The following CTNNA3 variants were observed in gnomAD, a reference collection of about 807,000 sequenced individuals.
CTNNA3 encodes the protein catenin alpha-3.
Under a neutral mutation model 95.7 loss-of-function variants are expected in CTNNA3, and 76 were observed. The observed-to-expected ratio is 0.79, with a 90% confidence interval of 0.66 to 0.96. The LOEUF (loss-of-function observed/expected upper bound fraction) is 0.96. CTNNA3 is among the 40% of genes least tolerant of loss of function. The pLI is 0.00. For missense variants in CTNNA3, 1,191 were observed against 1,089.8 expected, an observed-to-expected ratio of 1.09 and a Z score of -1.31; for synonymous variants, 431 against 374.4, an observed-to-expected ratio of 1.15 and a Z score of -1.74.
intron 9 of CTNNA3, among the ~76,000 whole-genome samples, chr10:66,732,308 TAA>T (rs1030504741): frequency 6.6e-5 from 10 of 152,174 alleles, no homozygotes; most frequent in Non-Finnish European, 1.0e-4. Flanking sequence ...TAAATTGACA[TAA>T]AGATAGTTTT....
At chr10:66,859,232 T>C (rs1253753141) in intron 7 of CTNNA3, among the ~76,000 whole-genome samples, 1 of 151,928 alleles carries the variant, frequency 6.6e-6, no homozygotes, top group Non-Finnish European at 1.5e-5. Context: ...AAAGGCAACC[T>C]ACAAAATAGG....
Position 66,544,433 on chromosome 10 carries a change from G to A in CTNNA3, c.1375-23660C>T, listed in dbSNP as rs116119842. 4.2e-3 allele frequency among the ~76,000 whole-genome samples: 633 copies of A among 152,148 alleles called. 4 individuals are homozygous for A. Among genetic ancestry groups the A allele is most frequent in the African/African-American group, 0.014 (599 of 41,530 alleles). On this transcript the variant is annotated intron_variant, in intron 10 of 17. Coordinates refer to ENST00000433211, the MANE Select transcript of CTNNA3 (RefSeq NM_013266.4). ...TGCTGAGACTACAGATGTCACTTTG[G>A]TTCATTTCCTATTACCATCGTTTGA... is the stretch of plus-strand genomic sequence containing the variant.
At chr10:66,689,305 G>A (rs1372561034) in intron 9 of CTNNA3, among the ~76,000 whole-genome samples, 1 of 152,124 alleles carries the variant, frequency 6.6e-6, no homozygotes, top group Non-Finnish European at 1.5e-5. Context: ...TCAACAAATG[G>A]CCTAGGTCCT....
chr10:66,800,018 G>C (rs545839127), intron 7 of CTNNA3, among the ~76,000 whole-genome samples: 1 of 151,120 alleles, frequency 6.6e-6, no homozygotes, highest in African/African-American at 2.4e-5. Context: ...TAAGATAAAA[G>C]TTCAGAGAAT....
chr10:66,029,289 C>T (rs7081109), intron 15 of CTNNA3, among the ~76,000 whole-genome samples: 2 of 151,966 alleles, frequency 1.3e-5, no homozygotes, highest in Non-Finnish European at 2.9e-5. Flanking sequence ...GAAATGCTCC[C>T]CTGAAATAGA....
At chr10:67,517,608 A>G (rs1320347643) in intron 5 of CTNNA3, among the ~76,000 whole-genome samples, 2 of 152,176 alleles carry the variant, frequency 1.3e-5, no homozygotes, top group Admixed American at 1.3e-4. Flanking sequence ...TTGGATATAT[A>G]GAATGTATTA....
rs1564896417 is a variant in CTNNA3, at chr10:66,360,674, C to CTTTCTTTCTTTCTTTCTTTCTTTCTTT, written c.1732+18477_1732+18478insAAAGAAAGAAAGAAAGAAAGAAAGAAA. Among the ~76,000 whole-genome samples the CTTTCTTTCTTTCTTTCTTTCTTTCTTT allele has an allele frequency of 6.1e-4, 46 of 75,828 alleles. 2 individuals are homozygous for CTTTCTTTCTTTCTTTCTTTCTTTCTTT. Among genetic ancestry groups the CTTTCTTTCTTTCTTTCTTTCTTTCTTT allele is most frequent in the Middle Eastern group, 7.4e-3 (1 of 136 alleles). The allele number at this position is 75,828 out of a possible 152,430, so 49.7% of individuals were successfully genotyped here. A position where few individuals can be genotyped will look rare whatever the true frequency, so the allele number is the denominator to read the frequency against. On this transcript the variant is annotated intron_variant, in intron 12 of 17. Transcript: ENST00000433211. ...TTCTTTCTTTCTTCCTTCCTTCCTTCCTTCCTTCCTTCCTTCCTTTTCTTT... is the reference window on the plus strand; with the variant it reads ...TTCTTTCTTTCTTCCTTCCTTCCTTCTTTCTTTCTTTCTTTCTTTCTTTCTTTCTTCCTTCCTTCCTTCCTTTTCTTT...
At chr10:66,753,887 T>C (rs949679346) in intron 9 of CTNNA3, among the ~76,000 whole-genome samples, 3 of 151,402 alleles carry the variant, frequency 2.0e-5, no homozygotes, top group African/African-American at 7.3e-5. Flanking sequence ...TTAAAGGAGA[T>C]CTAAATAAGT....
intron 7 of CTNNA3, among the ~76,000 whole-genome samples, chr10:67,017,485 T>A (rs536021130): frequency 1.3e-5 from 2 of 152,296 alleles, no homozygotes; most frequent in African/African-American, 4.8e-5. Flanking sequence ...CATGCTGGCA[T>A]CCACAATCTA....
At chr10:67,381,453 GA>G (rs374836883) in intron 5 of CTNNA3, among the ~76,000 whole-genome samples, 4 of 151,498 alleles carry the variant, frequency 2.6e-5, no homozygotes, top group East Asian at 3.9e-4. Context: ...TTCTGAAAAT[GA>G]AAAAAAAGAA....
intron 15 of CTNNA3, among the ~76,000 whole-genome samples, chr10:66,055,937 A>AT: frequency 6.6e-6 from 1 of 151,832 alleles, no homozygotes; most frequent in African/African-American, 2.4e-5. Flanking sequence ...AAAAAAAAAA[A>AT]AAAAAAGATA....
chr10:66,995,638 G>A (rs1851285370), intron 7 of CTNNA3, among the ~76,000 whole-genome samples: 1 of 152,020 alleles, frequency 6.6e-6, no homozygotes, highest in Non-Finnish European at 1.5e-5. Context: ...TTAAGTTCAG[G>A]TTCTTTCCTC....
At chr10:67,042,286 G>C (rs1564849968) in intron 7 of CTNNA3, among the ~76,000 whole-genome samples, 1 of 152,098 alleles carries the variant, frequency 6.6e-6, no homozygotes. Flanking sequence ...AATCATAGAG[G>C]AATGACATTT....
intron 7 of CTNNA3, among the ~76,000 whole-genome samples, chr10:66,903,954 C>G (rs1297220470): frequency 6.6e-5 from 10 of 152,060 alleles, no homozygotes; most frequent in African/African-American, 1.7e-4. Context: ...CCGTACTGCC[C>G]AAGGTAATTT....
At chr10:67,116,259 A>T (rs1859183447) in intron 7 of CTNNA3, among the ~76,000 whole-genome samples, 1 of 152,102 alleles carries the variant, frequency 6.6e-6, no homozygotes, top group Non-Finnish European at 1.5e-5. Context: ...GGCATTTAAA[A>T]TTCTTCTAAG....
chr10:67,625,283 A>C (rs1838916920), intron 2 of CTNNA3, among the ~76,000 whole-genome samples: 1 of 152,224 alleles, frequency 6.6e-6, no homozygotes, highest in East Asian at 1.9e-4. Flanking sequence ...ACTCAGTGTC[A>C]CAGATTAACA....
At chr10:66,885,315 A>T (rs949433434) in intron 7 of CTNNA3, among the ~76,000 whole-genome samples, 3 of 152,130 alleles carry the variant, frequency 2.0e-5, no homozygotes, top group Non-Finnish European at 4.4e-5. Context: ...TGAGAGTATG[A>T]TGTTATTAAT....
At chr10:67,665,848 T>C (rs1040993140) in intron 1 of CTNNA3, among the ~76,000 whole-genome samples, 2 of 152,188 alleles carry the variant, frequency 1.3e-5, no homozygotes, top group African/African-American at 4.8e-5. Context: ...TTACCCACTA[T>C]CAACTTCTAA....
rs1589826783 is a variant in CTNNA3 at position 66,241,519 on chromosome 10, C to CCGATTATATTTAA, written c.1884+38950_1884+38951insTTAAATATAATCG. ...ACCTTAGGAGAATATAATCGGAAAT[C>CCGATTATATTTAA]ATTTAAAATCAGAAAACTGAGAAAT... On this transcript the variant is annotated intron_variant, in intron 13 of 17. Coordinates refer to ENST00000433211, the MANE Select transcript of CTNNA3 (RefSeq NM_013266.4). Among the ~76,000 whole-genome samples the CCGATTATATTTAA allele has an allele frequency of 3.3e-5, 5 of 152,200 alleles. No individual in the cohort carries two copies. The East Asian group carries it at 9.7e-4, about 29-fold the overall frequency.
Sources: allele counts gnomAD v4.1 joint callset (sites outside exome capture counted in the v4.1 genomes callset), GRCh38; gene constraint gnomAD v4.1.1; transcripts MANE v1.5; gene names NCBI Gene and HGNC (gene_info 2026-07-23, HGNC 2026-07-21).